Variants in TRANK1 observed in about 807,000 individuals in gnomAD.
The protein encoded by TRANK1 is tetratricopeptide repeat and ankyrin repeat containing 1, also known as TPR and ankyrin repeat-containing protein 1.
TRANK1 carries 198 observed loss-of-function variants against 266.0 expected under a neutral mutation model. That is an observed-to-expected ratio of 0.74 (90% CI 0.66 to 0.84). The LOEUF (loss-of-function observed/expected upper bound fraction) is 0.84. TRANK1 is among the 40% of genes least tolerant of loss of function. The pLI is 0.00. For missense variants in TRANK1, 3,326 were observed against 3,634.6 expected, an observed-to-expected ratio of 0.92 and a Z score of 2.18; for synonymous variants, 1,396 against 1,384.1, an observed-to-expected ratio of 1.01 and a Z score of -0.19.
In TRANK1 at chr3:36,852,231, A is replaced by G. The variant is rs889576849; in HGVS notation, c.4664T>C (p.Leu1555Pro). The change falls in exon 14 of 24, where the codon CTG becomes CCG. Residue 1555 changes from leucine to proline, a missense_variant. Transcript: ENST00000645898. ...GLFDGPKPTV[L>P]ESCSVSDLAI... is the part of the protein sequence containing the mutation. Reference sequence around the variant, plus strand: ...CAAGTCGCTTACACTACAAGACTCCAGAACAGTTGGCTTAGGACCATCAAA... The same window carrying G: ...CAAGTCGCTTACACTACAAGACTCCGGAACAGTTGGCTTAGGACCATCAAA... 1 of 1,613,832 alleles carries G rather than the reference A, an allele frequency of 6.2e-7. No individual in the cohort carries two copies. Among genetic ancestry groups the G allele is most frequent in the Non-Finnish European group, 8.5e-7 (1 of 1,179,858 alleles).
intron 10 of TRANK1, among the ~76,000 whole-genome samples, chr3:36,862,708 G>A (rs183335600): frequency 6.7e-4 from 102 of 152,276 alleles, no homozygotes; most frequent in Non-Finnish European, 1.2e-3. Flanking sequence ...AGAGACAGAC[G>A]GGTCCACAAG....
intron 12 of TRANK1, 125 bp downstream of exon 12, chr3:36,858,593 G>T: frequency 8.5e-7 from 1 of 1,181,498 alleles, no homozygotes; most frequent in Non-Finnish European, 1.1e-6. Context: ...GGGCAGGCCT[G>T]GCCAAGAAAT....
chr3:36,895,463 G>A (rs924476490), intron 5 of TRANK1, among the ~76,000 whole-genome samples, 177 bp downstream of exon 5: 1 of 152,084 alleles, frequency 6.6e-6, no homozygotes, highest in African/African-American at 2.4e-5. Flanking sequence ...AAAAATAAAT[G>A]GAAACTGGCT....
rs75319070 is a variant in TRANK1 at position 36,875,338 on chromosome 3, T to A, written c.908-1042A>T. 2.0e-4 allele frequency among the ~76,000 whole-genome samples: 31 copies of A among 152,326 alleles called. No homozygotes were observed. The East Asian group carries it at 5.6e-3, about 27-fold the overall frequency. ...AATTCTCCTCTGCTGGTTTTGAAGA[T>A]ACAAGAGGCAGGACAAGGAATGTGT... On this transcript the variant is annotated intron_variant, in intron 8 of 23. Coordinates refer to ENST00000645898, the MANE Select transcript of TRANK1 (RefSeq NM_001329998.2).
At chr3:36,933,152 C>A (rs2080382579) in intron 1 of TRANK1, among the ~76,000 whole-genome samples, 1 of 152,206 alleles carries the variant, frequency 6.6e-6, no homozygotes, top group African/African-American at 2.4e-5. Context: ...CACCCCTTCC[C>A]CTTTCCCCTC....
rs1345767332 is a variant in TRANK1 at position 36,879,655 on chromosome 3, A to AATATATAAAT, written c.908-5369_908-5360dup. ...ATATATAAATATACAAATATATATA[A>AATATATAAAT]ATATATAAATATATATAAATATATA... On this transcript the variant is annotated intron_variant, in intron 8 of 23. Coordinates refer to ENST00000645898, the MANE Select transcript of TRANK1 (RefSeq NM_001329998.2). 1.3e-4 allele frequency among the ~76,000 whole-genome samples: 12 copies of AATATATAAAT among 93,988 alleles called. 4 individuals are homozygous for AATATATAAAT. Among genetic ancestry groups the AATATATAAAT allele is most frequent in the Admixed American group, 9.1e-4 (7 of 7,662 alleles). The allele number at this position is 93,988 out of a possible 152,430, so 61.7% of individuals were successfully genotyped here.
intron 1 of TRANK1, among the ~76,000 whole-genome samples, chr3:36,944,220 T>A (rs1454630042): frequency 6.6e-6 from 1 of 152,166 alleles, no homozygotes; most frequent in Admixed American, 6.5e-5. Context: ...GAGCCCAGGC[T>A]GATGGACCGT....
intron 1 of TRANK1, among the ~76,000 whole-genome samples, chr3:36,918,162 A>T (rs1446172069): frequency 6.6e-6 from 1 of 152,202 alleles, no homozygotes; most frequent in African/African-American, 2.4e-5. Flanking sequence ...CCAAAAAACA[A>T]GTATTTTACA....
chr3:36,942,729 A>G (rs1205044765), intron 1 of TRANK1, among the ~76,000 whole-genome samples: 2 of 151,908 alleles, frequency 1.3e-5, no homozygotes, highest in African/African-American at 4.8e-5. Flanking sequence ...CTCCTACACC[A>G]AGTCCTCACT....
intron 1 of TRANK1, among the ~76,000 whole-genome samples, chr3:36,920,310 G>C (rs1173574376): frequency 6.6e-6 from 1 of 152,074 alleles, no homozygotes; most frequent in Non-Finnish European, 1.5e-5. Context: ...CCATTCTTGG[G>C]ACCTTTGAAG....
Position 36,856,269 on chromosome 3 carries a change from T to A in TRANK1, c.3453A>T (p.Glu1151Asp), listed in dbSNP as rs2079052068. Residue 1151 changes from glutamate (E) to aspartate (D), a missense_variant, in exon 13 of 24, where the codon GAA becomes GAT. Transcript: ENST00000645898. Reference protein sequence around the residue: ...EEDSIEVETVESIDEQEYEAC... With the variant: ...EEDSIEVETVDSIDEQEYEAC... ...CTTCATACTCCTGCTCATCTATGCT[T>A]TCTACTGTTTCCACTTCAATAGAAT... 1 of 1,605,320 alleles carries A rather than the reference T, an allele frequency of 6.2e-7. No homozygotes were observed. The highest frequency in any genetic ancestry group is 1.3e-5 in the African/African-American group (1 of 74,848).
chr3:36,879,657 T>TATATATAAATATAAAAATATATATAA (rs1275224193), intron 8 of TRANK1, among the ~76,000 whole-genome samples: 1 of 116,762 alleles, frequency 8.6e-6, no homozygotes, highest in African/African-American at 3.8e-5. Context: ...TATATATAAA[T>TATATATAAATATAAAAATATATATAA]ATATAAATAT....
At chr3:36,867,110 T>C (rs1244637888) in intron 9 of TRANK1, among the ~76,000 whole-genome samples, 2 of 151,970 alleles carry the variant, frequency 1.3e-5, no homozygotes, top group African/African-American at 2.4e-5. Flanking sequence ...TAAAGCAATA[T>C]CTGGCTAGCA....
intron 8 of TRANK1, among the ~76,000 whole-genome samples, chr3:36,886,026 C>T (rs539916214): frequency 6.6e-6 from 1 of 151,672 alleles, no homozygotes; most frequent in Admixed American, 6.6e-5. Context: ...GAAGAAGGAG[C>T]CTGTGAGAGT....
At chr3:36,889,704 G>C in intron 8 of TRANK1, 125 bp downstream of exon 8, 1 of 1,287,978 alleles carries the variant, frequency 7.8e-7, no homozygotes, top group Non-Finnish European at 1.0e-6. Context: ...TTAGTTCAAG[G>C]GGAAGTTTAG....
Position 36,838,380 on chromosome 3 carries a change from G to T in TRANK1, c.5509C>A (p.Leu1837Met). ...CGGACTAGGAGCCATACCTTTCCCA[G>T]CCTCTCGCACAGCTGGGCAGAGAGC... ...FQLSAQLCER[L>M]GKIRDAAYFY... Residue 1837 changes from leucine (L) to methionine (M), a missense_variant, in exon 20 of 24, where the codon CTG becomes ATG. Transcript: ENST00000645898. 1 of 1,613,912 alleles carries T rather than the reference G, an allele frequency of 6.2e-7. No homozygotes were observed. The highest frequency in any genetic ancestry group is 1.7e-5 in the Admixed American group (1 of 60,006).
Position 36,833,051 on chromosome 3 carries a change from G to T in TRANK1, c.6532C>A (p.Gln2178Lys). The T allele has an allele frequency of 6.2e-7, 1 of 1,612,918 alleles. No homozygotes were observed. The highest frequency in any genetic ancestry group is 8.5e-7 in the Non-Finnish European group (1 of 1,179,328). ...LNKHLLGRLCQITRSLLGKTY... is the reference protein window; with the variant it reads ...LNKHLLGRLCKITRSLLGKTY... ...TTCCCAAGCAGGCTCCGTGTGATCT[G>T]ACACAGCCTGCCCAAAAGGTGTTTG... is the stretch of plus-strand genomic sequence containing the variant. The change falls in exon 22 of 24, where the codon CAG becomes AAG. Residue 2178 changes from glutamine (Q) to lysine (K), a missense_variant. By Grantham distance (53) the Gln-to-Lys change is moderately conservative (BLOSUM62 1). Coordinates refer to ENST00000645898, the MANE Select transcript of TRANK1 (RefSeq NM_001329998.2).
chr3:36,909,302 A>C (rs181635754), intron 1 of TRANK1, among the ~76,000 whole-genome samples: 5 of 152,308 alleles, frequency 3.3e-5, no homozygotes, highest in African/African-American at 1.2e-4. Flanking sequence ...GAAGACGCAC[A>C]TTACTGATTT....
At chr3:36,850,747 C>A (rs891619308) in intron 15 of TRANK1, 2 of 985,008 alleles carry the variant, frequency 2.0e-6, no homozygotes, top group Non-Finnish European at 2.4e-6. Context: ...AATAGTTGTG[C>A]TATTAAGGCA....
Sources: gnomAD v4.1 joint callset for allele counts (sites outside exome capture counted in the v4.1 genomes callset) on GRCh38, gnomAD v4.1.1 for gene constraint, MANE v1.5 for transcripts, NCBI Gene and HGNC (gene_info 2026-07-23, HGNC 2026-07-21) for gene names.